Variants in ADAM2 observed in about 807,000 individuals in gnomAD.
ADAM2 encodes the protein disintegrin and metalloproteinase domain-containing protein 2.
In ADAM2, 101 loss-of-function variants were observed where a neutral mutation model predicts 99.3. That is an observed-to-expected ratio of 1.02 (90% CI 0.87 to 1.20). The LOEUF (loss-of-function observed/expected upper bound fraction) is 1.20. ADAM2 is among the 50% of genes most tolerant of loss of function. ADAM2 has a pLI of 0.00. For missense variants in ADAM2, 948 were observed against 878.7 expected (o/e 1.08, Z -1.00); for synonymous variants, 323 against 287.6 (o/e 1.12, Z -1.25).
chr8:39,791,526 T>C (rs1373564196), intron 7 of ADAM2, among the ~76,000 whole-genome samples: 4 of 152,048 alleles, frequency 2.6e-5, no homozygotes, highest in African/African-American at 9.7e-5. Context: ...CCATTAGGTA[T>C]GCAGATGAGG....
intron 4 of ADAM2, among the ~76,000 whole-genome samples, chr8:39,823,403 C>T (rs1196100798): frequency 6.6e-6 from 1 of 152,170 alleles, no homozygotes; most frequent in Non-Finnish European, 1.5e-5. Context: ...TAGAGGTAGG[C>T]CTGCAACCTT....
At chr8:39,788,304 T>C (rs1445240575) in intron 8 of ADAM2, 53 bp from the exon 9 acceptor site, 2 of 1,175,368 alleles carry the variant, frequency 1.7e-6, no homozygotes, top group Admixed American at 5.5e-5. Flanking sequence ...TTTTAAAAAT[T>C]AGATATATAT....
At chr8:39,806,841 G>A (rs1170028789) in intron 7 of ADAM2, among the ~76,000 whole-genome samples, 1 of 152,202 alleles carries the variant, frequency 6.6e-6, no homozygotes, top group East Asian at 1.9e-4. Context: ...AGGATTATAT[G>A]AGTGAAAACA....
At chr8:39,791,081 G>C (rs774558768) in intron 7 of ADAM2, among the ~76,000 whole-genome samples, 1 of 151,494 alleles carries the variant, frequency 6.6e-6, no homozygotes, top group Non-Finnish European at 1.5e-5. Flanking sequence ...AGGATGTAAG[G>C]CCTCGAATGG....
intron 11 of ADAM2, 91 bp from the exon 12 acceptor site, chr8:39,769,666 A>G: frequency 3.8e-6 from 3 of 794,902 alleles, no homozygotes; most frequent in Non-Finnish European, 6.0e-6. Context: ...ATTCCACAAC[A>G]GACCAAATTC....
At chr8:39,836,074 T>C (rs1805811225) in intron 2 of ADAM2, among the ~76,000 whole-genome samples, 1 of 152,134 alleles carries the variant, frequency 6.6e-6, no homozygotes, top group South Asian at 2.1e-4. Context: ...GAGAAAATAA[T>C]GAGCCTGATT....
chr8:39,816,228 TG>T (rs1206757570), intron 6 of ADAM2, among the ~76,000 whole-genome samples: 1 of 151,680 alleles, frequency 6.6e-6, no homozygotes, highest in African/African-American at 2.4e-5. Context: ...ACCCGGGAGG[TG>T]GAGGTTGCAG....
intron 7 of ADAM2, among the ~76,000 whole-genome samples, chr8:39,800,970 A>G (rs1322168436): frequency 1.3e-5 from 2 of 152,160 alleles, no homozygotes; most frequent in African/African-American, 4.8e-5. Flanking sequence ...AGGTTAGAAC[A>G]TGCTCCTTTA....
intron 7 of ADAM2, among the ~76,000 whole-genome samples, chr8:39,790,192 C>T (rs1803647797): frequency 6.6e-6 from 1 of 151,806 alleles, no homozygotes; most frequent in Non-Finnish European, 1.5e-5. Flanking sequence ...CACACCTACC[C>T]AATACGAGTT....
At chr8:39,780,933 A>G (rs1803197653) in intron 10 of ADAM2, among the ~76,000 whole-genome samples, 1 of 152,126 alleles carries the variant, frequency 6.6e-6, no homozygotes, top group Non-Finnish European at 1.5e-5. Flanking sequence ...AGTTGAAACT[A>G]AAACATTGTT....
chr8:39,749,312 C>T lies in ADAM2; in HGVS notation c.2014G>A (p.Glu672Lys). The T allele has an allele frequency of 2.5e-6, 4 of 1,605,310 alleles. No individual in the cohort carries two copies. Among genetic ancestry groups the T allele is most frequent in the Non-Finnish European group, 3.4e-6 (4 of 1,175,634 alleles). The change falls in exon 18 of 21, where the codon GAA becomes AAA. Residue 672 changes from glutamate to lysine, a missense_variant and splice_region_variant. Glu to Lys is a moderately conservative substitution (Grantham distance 56). Coordinates refer to ENST00000265708, the MANE Select transcript of ADAM2 (RefSeq NM_001464.5). Reference sequence around the variant, plus strand: ...TTTCTGATTTATTATTAATACTTACCAGGGAGTCTGGCTGGTATAGCTACA... The same window carrying T: ...TTTCTGATTTATTATTAATACTTACTAGGGAGTCTGGCTGGTATAGCTACA... ...PPVAIPARLP[E>K]RRYIENIYHS...
chr8:39,781,977 T>C (rs1226918335), intron 10 of ADAM2, among the ~76,000 whole-genome samples: 1 of 152,164 alleles, frequency 6.6e-6, no homozygotes, highest in East Asian at 1.9e-4. Flanking sequence ...AAAACTAACC[T>C]TTTAAATAAG....
At chr8:39,812,967 TCA>T (rs1804767151) in intron 6 of ADAM2, among the ~76,000 whole-genome samples, 1 of 152,112 alleles carries the variant, frequency 6.6e-6, no homozygotes, top group Non-Finnish European at 1.5e-5. Context: ...GAGACTACCA[TCA>T]GAGTGAAGAG....
intron 16 of ADAM2, among the ~76,000 whole-genome samples, chr8:39,751,675 C>A (rs1443692109): frequency 3.9e-5 from 6 of 152,014 alleles, no homozygotes; most frequent in African/African-American, 7.2e-5. Flanking sequence ...AAAAACAATT[C>A]TTTTTTATTC....
intron 14 of ADAM2, among the ~76,000 whole-genome samples, chr8:39,764,834 C>CA (rs1802505541): frequency 6.6e-6 from 1 of 151,876 alleles, no homozygotes; most frequent in Non-Finnish European, 1.5e-5. Flanking sequence ...GCCAACATGG[C>CA]AAAACCCTAT....
Position 39,767,260 on chromosome 8 carries a change from C to G in ADAM2, c.1213-9G>C. ...CCAATAAGGGCACAATCCTGTAAGG[C>G]AAATCAAATGCTCTGAAGTATTTTC... On this transcript the variant is annotated splice_polypyrimidine_tract_variant and intron_variant, in intron 12 of 20. Transcript: ENST00000265708. The G allele has an allele frequency of 1.3e-6, 2 of 1,590,190 alleles. No homozygotes were observed. The highest frequency in any genetic ancestry group is 1.4e-5 in the African/African-American group (1 of 73,784).
At chr8:39,809,500 C>G (rs1454212034) in intron 6 of ADAM2, 34 bp from the exon 7 acceptor site, 1 of 1,058,468 alleles carries the variant, frequency 9.4e-7, no homozygotes, top group Admixed American at 1.9e-5. Flanking sequence ...ATCAAAATTA[C>G]AGAATTACTT....
intron 3 of ADAM2, among the ~76,000 whole-genome samples, chr8:39,825,573 T>A (rs1805364027): frequency 6.6e-6 from 1 of 150,460 alleles, no homozygotes; most frequent in African/African-American, 2.4e-5. Context: ...TTTATGTAAA[T>A]CAAGTAGGAT....
At chr8:39,779,378 G>C (rs905360651) in intron 10 of ADAM2, among the ~76,000 whole-genome samples, 4 of 152,010 alleles carry the variant, frequency 2.6e-5, no homozygotes, top group Non-Finnish European at 4.4e-5. Context: ...TATTGAATTA[G>C]AGCCCCCCAC....
Sources: allele counts gnomAD v4.1 joint callset (sites outside exome capture counted in the v4.1 genomes callset), GRCh38; gene constraint gnomAD v4.1.1; transcripts MANE v1.5; gene names NCBI Gene and HGNC (gene_info 2026-07-23, HGNC 2026-07-21).